ERICH1: variants seen among roughly 807,000 people sequenced by gnomAD.
The protein encoded by ERICH1 is glutamate-rich protein 1.
Under a neutral mutation model 39.6 loss-of-function variants are expected in ERICH1, and 56 were observed. The ratio of observed to expected loss-of-function variants is 1.41; its 90% CI spans 1.14 to 1.77. ERICH1 has a LOEUF of 1.77. ERICH1 is among the 40% of genes most tolerant of loss of function. The pLI, the probability that ERICH1 is intolerant of heterozygous loss-of-function variation, is 0.00. For missense variants in ERICH1, 826 were observed against 575.4 expected, an observed-to-expected ratio of 1.44 and a Z score of -4.45; for synonymous variants, 313 against 223.6, an observed-to-expected ratio of 1.40 and a Z score of -3.57.
At chr8:701,678 CTT>C (rs775997983) in intron 2 of ERICH1, among the ~76,000 whole-genome samples, 2 of 152,284 alleles carry the variant, frequency 1.3e-5, no homozygotes, top group African/African-American at 2.4e-5. Flanking sequence ...CGTAAAATAT[CTT>C]TGTTATTGAG....
In ERICH1 at chr8:665,062, A is replaced by G. The variant is rs544309303; in HGVS notation, c.1259-386T>C. On this transcript the variant is annotated intron_variant, in intron 5 of 5. Transcript: ENST00000262109. Reference sequence around the variant, plus strand: ...AAGTTTATCTCAAGGGTGAGCAAGTAGAAAAAAGCCAGAAGTGGAGCCGTA... The same window carrying G: ...AAGTTTATCTCAAGGGTGAGCAAGTGGAAAAAAGCCAGAAGTGGAGCCGTA... Among the ~76,000 whole-genome samples, 9 of 152,384 alleles carry G rather than the reference A, an allele frequency of 5.9e-5. No individual in the cohort carries two copies. The South Asian group carries it at 1.7e-3, about 28-fold the overall frequency.
intron 1 of ERICH1, among the ~76,000 whole-genome samples, chr8:729,006 G>A (rs1403934011): frequency 6.6e-6 from 1 of 152,118 alleles, no homozygotes; most frequent in Admixed American, 6.5e-5. Context: ...CCAGGGCCAG[G>A]CAGGGGAGAG....
intron 3 of ERICH1, among the ~76,000 whole-genome samples, chr8:655,172 C>A (rs191880513): frequency 6.6e-6 from 1 of 152,308 alleles, no homozygotes; most frequent in Admixed American, 6.5e-5. Context: ...GGAAGAGCAG[C>A]CGCGTTTGAT....
chr8:681,119 C>G (rs1212153968), intron 3 of ERICH1, among the ~76,000 whole-genome samples: 4 of 152,214 alleles, frequency 2.6e-5, no homozygotes, highest in Admixed American at 2.6e-4. Context: ...CTCTGCCGCA[C>G]CAGCTTGTGG....
chr8:698,156 G>A (rs914071099), intron 2 of ERICH1, among the ~76,000 whole-genome samples: 23 of 152,096 alleles, frequency 1.5e-4, no homozygotes, highest in African/African-American at 5.3e-4. Flanking sequence ...AAGACAGAAC[G>A]CTTTAGTATT....
At chr8:655,652 T>C (rs1563193809) in intron 3 of ERICH1, among the ~76,000 whole-genome samples, 1 of 143,256 alleles carries the variant, frequency 7.0e-6, no homozygotes, top group Admixed American at 7.1e-5. Flanking sequence ...ATTCATTCTG[T>C]CCTCTGCATT....
At chr8:656,934 C>T in intron 3 of ERICH1, 3 of 772,586 alleles carry the variant, frequency 3.9e-6, no homozygotes, top group Non-Finnish European at 4.7e-6. Flanking sequence ...ATATGTTAAC[C>T]TAAATAATGC....
rs1815876052 is a variant in ERICH1, at chr8:715,970, A to T, written c.60T>A (p.Pro20=). 2.5e-6 allele frequency: 4 copies of T among 1,613,528 alleles called. No individual in the cohort carries two copies. The highest frequency in any genetic ancestry group is 2.7e-5 in the African/African-American group (2 of 74,908). The change falls in exon 2 of 6, where the codon CCT becomes CCA. Residue 20 remains proline (P), a synonymous_variant. Transcript: ENST00000262109. ...VEKVLQRLFP[P]VPSGQGKREP... is the part of the protein sequence containing the mutation. ...CCCTCTTTCCTTGGCCACTTGGAAC[A>T]GGAGGAAAAAGTCTCTGCAGCACCT...
At chr8:700,898 C>G (rs1338179889) in intron 2 of ERICH1, among the ~76,000 whole-genome samples, 1 of 152,236 alleles carries the variant, frequency 6.6e-6, no homozygotes, top group African/African-American at 2.4e-5. Context: ...ACACAGCAAA[C>G]CTACCTTCAA....
intron 2 of ERICH1, among the ~76,000 whole-genome samples, chr8:698,674 G>C (rs1436134211): frequency 2.0e-5 from 3 of 152,026 alleles, no homozygotes; most frequent in African/African-American, 7.3e-5. Context: ...AGAATGCAAT[G>C]ATGCGATCAT....
chr8:637,004 G>C (rs539999042), intron 3 of ERICH1, among the ~76,000 whole-genome samples: 1 of 152,362 alleles, frequency 6.6e-6, no homozygotes, highest in East Asian at 1.9e-4. Flanking sequence ...CTTTAAGCCA[G>C]ATTGCAAACG....
intron 1 of ERICH1, among the ~76,000 whole-genome samples, chr8:728,608 C>G (rs1819335595): frequency 1.3e-5 from 2 of 152,194 alleles, no homozygotes; most frequent in South Asian, 4.1e-4. Flanking sequence ...CAGATATTCA[C>G]CCAATCTCCC....
intron 3 of ERICH1, among the ~76,000 whole-genome samples, chr8:641,667 A>G (rs1415000402): frequency 1.3e-5 from 2 of 152,362 alleles, no homozygotes; most frequent in Admixed American, 6.5e-5. Flanking sequence ...TGGAGAACGC[A>G]GCGGCCGTCA....
intron 3 of ERICH1, among the ~76,000 whole-genome samples, chr8:657,393 C>T (rs945205966): frequency 3.3e-5 from 5 of 151,854 alleles, no homozygotes; most frequent in African/African-American, 1.2e-4. Flanking sequence ...GAGGTTATCT[C>T]GGGGTTGGCA....
At chr8:654,456 T>G (rs1800358539) in intron 3 of ERICH1, among the ~76,000 whole-genome samples, 1 of 152,268 alleles carries the variant, frequency 6.6e-6, no homozygotes, top group African/African-American at 2.4e-5. Flanking sequence ...TTTCCTGATC[T>G]GGGTGTGGGT....
At chr8:668,558 T>C (rs1466200854) in intron 5 of ERICH1, 40 bp downstream of exon 5, 1 of 1,611,028 alleles carries the variant, frequency 6.2e-7, no homozygotes, top group Admixed American at 1.7e-5. Context: ...TCGATGAGAG[T>C]ATCTTAAGCA....
At chr8:625,197 T>C (rs1797534123) in intron 3 of ERICH1, among the ~76,000 whole-genome samples, 1 of 152,200 alleles carries the variant, frequency 6.6e-6, no homozygotes, top group Non-Finnish European at 1.5e-5. Context: ...ATCAGAGTCA[T>C]TCACAATCAC....
chr8:618,977 A>G (rs1584927858), intron 3 of ERICH1, among the ~76,000 whole-genome samples: 1 of 152,218 alleles, frequency 6.6e-6, no homozygotes. Flanking sequence ...AATTATCCTA[A>G]GGGCATACGC....
intron 1 of ERICH1, among the ~76,000 whole-genome samples, chr8:718,975 C>CG (rs764177971): frequency 9.9e-5 from 15 of 152,024 alleles, no homozygotes; most frequent in Non-Finnish European, 2.1e-4. Context: ...CCCATCTGTA[C>CG]CCAGGTGTGT....
Sources: gnomAD v4.1 joint callset for allele counts (sites outside exome capture counted in the v4.1 genomes callset) on GRCh38, gnomAD v4.1.1 for gene constraint, MANE v1.5 for transcripts, NCBI Gene and HGNC (gene_info 2026-07-23, HGNC 2026-07-21) for gene names.